Variants in PCSK5 observed in about 807,000 individuals in gnomAD.
The protein encoded by PCSK5 is proprotein convertase subtilisin/kexin type 5.
In PCSK5, 129 loss-of-function variants were observed where a neutral mutation model predicts 233.2. The ratio of observed to expected loss-of-function variants is 0.55; its 90% CI spans 0.48 to 0.64. The LOEUF (loss-of-function observed/expected upper bound fraction) is 0.64. Among genes scored for constraint, PCSK5 ranks in the 30% least tolerant of loss-of-function variants. PCSK5 has a pLI of 0.00. For synonymous variants in PCSK5, 825 were observed against 879.2 expected, an observed-to-expected ratio of 0.94 and a Z score of 1.09; for missense variants, 2,076 against 2,430.1, an observed-to-expected ratio of 0.85 and a Z score of 3.06.
intron 5 of PCSK5, among the ~76,000 whole-genome samples, chr9:76,029,069 T>C (rs1451231286): frequency 1.3e-5 from 2 of 152,162 alleles, no homozygotes; most frequent in Non-Finnish European, 2.9e-5. Flanking sequence ...CTTCCTGCTG[T>C]TGGGGGCAGG....
chr9:75,918,277 C>T (rs1823092936), intron 1 of PCSK5, among the ~76,000 whole-genome samples: 2 of 152,132 alleles, frequency 1.3e-5, no homozygotes, highest in Non-Finnish European at 2.9e-5. Context: ...TGTGCTTGCA[C>T]CCTTTGTTGA....
chr9:76,024,937 A>T (rs1394228462), intron 4 of PCSK5, among the ~76,000 whole-genome samples: 1 of 152,194 alleles, frequency 6.6e-6, no homozygotes, highest in Non-Finnish European at 1.5e-5. Flanking sequence ...TTGGCATAGG[A>T]AAACTTTATC....
intron 22 of PCSK5, among the ~76,000 whole-genome samples, chr9:76,234,860 T>C (rs1443805339): frequency 2.0e-5 from 3 of 152,232 alleles, no homozygotes; most frequent in African/African-American, 7.2e-5. Context: ...TTTCTCTTGC[T>C]CCTAAGACTT....
At chr9:76,017,370 T>A (rs1284753008) in intron 3 of PCSK5, among the ~76,000 whole-genome samples, 4 of 152,164 alleles carry the variant, frequency 2.6e-5, no homozygotes, top group Non-Finnish European at 5.9e-5. Flanking sequence ...AAACTAAAAT[T>A]TTCTTCCCTA....
chr9:76,152,871 C>T (rs965784175), intron 10 of PCSK5, among the ~76,000 whole-genome samples: 1 of 152,190 alleles, frequency 6.6e-6, no homozygotes, highest in Non-Finnish European at 1.5e-5. Context: ...CAATTACCTA[C>T]TTGTGCGCCT....
At chr9:76,353,218 T>C (rs1478624990) in intron 36 of PCSK5, among the ~76,000 whole-genome samples, 6 of 152,196 alleles carry the variant, frequency 3.9e-5, no homozygotes, top group African/African-American at 7.2e-5. Flanking sequence ...CTTCCAAAGT[T>C]ACAGAAGTAA....
intron 9 of PCSK5, among the ~76,000 whole-genome samples, chr9:76,126,662 A>G (rs1483305949): frequency 6.6e-6 from 1 of 152,212 alleles, no homozygotes; most frequent in East Asian, 1.9e-4. Flanking sequence ...AGAGACTGTT[A>G]TCTTAAGTGA....
chr9:76,040,387 C>CTCTCTCTCTCTCTGTCTCTCTG (rs1829063806), intron 5 of PCSK5, among the ~76,000 whole-genome samples: 1 of 39,044 alleles, frequency 2.6e-5, no homozygotes, highest in Non-Finnish European at 4.8e-5. Context: ...CTCTCTCTGT[C>CTCTCTCTCTCTCTGTCTCTCTG]TCTCTCTCTC....
chr9:76,055,723 G>C (rs2777019), intron 5 of PCSK5, among the ~76,000 whole-genome samples: 102,461 of 151,970 alleles, frequency 0.67, 34,784 homozygotes, highest in Middle Eastern at 0.72. Context: ...AAGAATGTAG[G>C]CCTCTCTGAG....
At chr9:76,126,167 CTGCGTGTGTGTGTATGTGTG>C in intron 9 of PCSK5, among the ~76,000 whole-genome samples, 1 of 61,582 alleles carries the variant, frequency 1.6e-5, no homozygotes, top group South Asian at 4.5e-4. Context: ...TGATTTTTTC[CTGCGTGTGTGTGTATGTGTG>C]TGTGTGTGTG....
In PCSK5 at chr9:76,258,035, C is replaced by G. The variant is rs146132761; in HGVS notation, c.3142+17351C>G. On this transcript the variant is annotated intron_variant, in intron 24 of 37. Transcript: ENST00000674117. Reference sequence around the variant, plus strand: ...TAACCCAAGGATGTCTACCTCTCAGCTCCCTTTTCCACAGCTCCCAGGTAC... The same window carrying G: ...TAACCCAAGGATGTCTACCTCTCAGGTCCCTTTTCCACAGCTCCCAGGTAC... Among the ~76,000 whole-genome samples the G allele has an allele frequency of 4.8e-3, 725 of 152,276 alleles. 6 individuals are homozygous for G. Among genetic ancestry groups the G allele is most frequent in the Middle Eastern group, 0.02 (6 of 294 alleles).
chr9:76,086,876 C>T (rs1324648072), intron 7 of PCSK5, among the ~76,000 whole-genome samples: 5 of 152,142 alleles, frequency 3.3e-5, no homozygotes, highest in Non-Finnish European at 7.4e-5. Flanking sequence ...ATCCATAGGA[C>T]ATTATTCAGC....
chr9:76,153,849 C>T (rs1211240670), intron 10 of PCSK5, among the ~76,000 whole-genome samples: 1 of 152,178 alleles, frequency 6.6e-6, no homozygotes, highest in African/African-American at 2.4e-5. Context: ...TGCTCCAAGC[C>T]AGGCATTTCA....
At chr9:75,913,774 A>G (rs1451313261) in intron 1 of PCSK5, among the ~76,000 whole-genome samples, 2 of 152,224 alleles carry the variant, frequency 1.3e-5, no homozygotes, top group Non-Finnish European at 2.9e-5. Context: ...TAAATACTGA[A>G]ATAAGTTACA....
chr9:76,289,472 CA>C (rs1828198478), intron 24 of PCSK5, among the ~76,000 whole-genome samples: 2 of 41,720 alleles, frequency 4.8e-5, no homozygotes, highest in African/African-American at 1.4e-4. Context: ...CCCCTCACCA[CA>C]CACACACACA....
At chr9:76,295,489 A>G in intron 26 of PCSK5, 78 bp downstream of exon 26, 1 of 1,317,040 alleles carries the variant, frequency 7.6e-7, no homozygotes, top group Admixed American at 2.0e-5. Flanking sequence ...AGGAGCGCAC[A>G]TGTGATTGGT....
intron 5 of PCSK5, among the ~76,000 whole-genome samples, chr9:76,063,036 G>C (rs929590520): frequency 4.6e-5 from 7 of 152,070 alleles, no homozygotes; most frequent in Non-Finnish European, 7.4e-5. Flanking sequence ...ATATGGGTGA[G>C]GACATGCGAT....
At chr9:75,929,722 A>T (rs894742491) in intron 1 of PCSK5, among the ~76,000 whole-genome samples, 1 of 152,134 alleles carries the variant, frequency 6.6e-6, no homozygotes, top group African/African-American at 2.4e-5. Context: ...AAGAGGTTTA[A>T]TGGACTTACA....
chr9:76,072,621 A>G (rs1830518965), intron 7 of PCSK5, among the ~76,000 whole-genome samples: 1 of 152,174 alleles, frequency 6.6e-6, no homozygotes, highest in Non-Finnish European at 1.5e-5. Context: ...TAAAGCATAC[A>G]GTTAGTCTTG....
Sources: gnomAD v4.1 joint callset for allele counts (sites outside exome capture counted in the v4.1 genomes callset) on GRCh38, gnomAD v4.1.1 for gene constraint, MANE v1.5 for transcripts, NCBI Gene and HGNC (gene_info 2026-07-23, HGNC 2026-07-21) for gene names.